Variants in ADK observed in about 807,000 individuals in gnomAD.
ADK encodes adenosine kinase, also known as N6,N6-dimethyladenosine kinase.
Under a neutral mutation model 44.7 loss-of-function variants are expected in ADK, and 24 were observed. That is an observed-to-expected ratio of 0.54 (90% CI 0.39 to 0.76). The LOEUF is 0.76. Ranked by LOEUF, ADK falls within the 30% of genes least tolerant of loss-of-function variation. The pLI, the probability that ADK is intolerant of heterozygous loss-of-function variation, is 0.00. For missense variants in ADK, 321 were observed against 425.1 expected (o/e 0.76, Z 2.15); for synonymous variants, 128 against 142.6 (o/e 0.90, Z 0.73).
chr10:74,576,185 A>G (rs1851177875), intron 7 of ADK, among the ~76,000 whole-genome samples: 1 of 152,174 alleles, frequency 6.6e-6, no homozygotes, highest in Non-Finnish European at 1.5e-5. Context: ...GAAAAGTGAG[A>G]GAATGGGAAT....
chr10:74,342,225 A>G (rs12415957), intron 4 of ADK, among the ~76,000 whole-genome samples: 72,499 of 151,998 alleles, frequency 0.48, 20,002 homozygotes, highest in Non-Finnish European at 0.62. Context: ...CTCTACATCC[A>G]TAATGGGTAA....
At position 74,176,653 on chromosome 10, in the gene ADK, C is replaced by T. The variant is rs560598168; in HGVS notation, c.66-24111C>T. ...CGCGGTGGCCCACGGCGTCTGGGGACGATCTCCAGCCCTTCGCACGGGGCG... is the reference window on the plus strand; with the variant it reads ...CGCGGTGGCCCACGGCGTCTGGGGATGATCTCCAGCCCTTCGCACGGGGCG... On this transcript the variant is annotated intron_variant, in intron 1 of 10. Coordinates refer to ENST00000539909, the MANE Select transcript of ADK (RefSeq NM_006721.4). 10 of 1,411,756 alleles carry T rather than the reference C, an allele frequency of 7.1e-6. No individual in the cohort carries two copies. The East Asian group carries it at 2.1e-4, about 30-fold the overall frequency. 87.5% of individuals were successfully genotyped at this position (1,411,756 alleles called of 1,614,324 possible).
intron 9 of ADK, among the ~76,000 whole-genome samples, chr10:74,617,989 C>G (rs1190564776): frequency 6.6e-6 from 1 of 152,090 alleles, no homozygotes; most frequent in Non-Finnish European, 1.5e-5. Context: ...ATGAAATGTC[C>G]TTCTTAATCT....
chr10:74,155,486 TG>T (rs1841720167), intron 1 of ADK, among the ~76,000 whole-genome samples: 1 of 152,164 alleles, frequency 6.6e-6, no homozygotes, highest in African/African-American at 2.4e-5. Context: ...AGAGTGGCAC[TG>T]ATAACTTTCA....
At chr10:74,445,501 T>A (rs1471966336) in intron 6 of ADK, among the ~76,000 whole-genome samples, 1 of 152,010 alleles carries the variant, frequency 6.6e-6, no homozygotes, top group South Asian at 2.1e-4. Flanking sequence ...TATATTCCTT[T>A]ACTGTTATAT....
intron 4 of ADK, among the ~76,000 whole-genome samples, chr10:74,355,641 A>T (rs1842110732): frequency 6.6e-6 from 1 of 152,188 alleles, no homozygotes; most frequent in Non-Finnish European, 1.5e-5. Context: ...CATTTGGAAA[A>T]ATTTTAAAAG....
At chr10:74,460,505 T>G (rs972644380) in intron 6 of ADK, among the ~76,000 whole-genome samples, 1 of 152,234 alleles carries the variant, frequency 6.6e-6, no homozygotes, top group Non-Finnish European at 1.5e-5. Flanking sequence ...CAGGTGTATA[T>G]TAACTTCATT....
intron 4 of ADK, among the ~76,000 whole-genome samples, chr10:74,352,802 A>G (rs766358991): frequency 4.3e-4 from 66 of 152,224 alleles, no homozygotes; most frequent in Non-Finnish European, 9.1e-4. Flanking sequence ...GCAACCAACA[A>G]ACATGAAAAA....
chr10:74,220,963 A>C (rs959548208), intron 2 of ADK, among the ~76,000 whole-genome samples: 1 of 151,120 alleles, frequency 6.6e-6, no homozygotes, highest in Non-Finnish European at 1.5e-5. Flanking sequence ...CTGGCACAAG[A>C]CAGGGATGCC....
intron 1 of ADK, among the ~76,000 whole-genome samples, chr10:74,160,699 G>T (rs1479310216): frequency 6.7e-6 from 1 of 148,958 alleles, no homozygotes; most frequent in African/African-American, 2.5e-5. Flanking sequence ...GGGTGTGTGT[G>T]TGTGTGTGTG....
At position 74,673,602 on chromosome 10, in the gene ADK, C is replaced by T. The variant is rs190256507; in HGVS notation, c.964+3333C>T. 4.6e-5 allele frequency among the ~76,000 whole-genome samples: 7 copies of T among 152,250 alleles called. No homozygotes were observed. In the East Asian group the frequency reaches 7.7e-4, roughly 17 times the overall value. On this transcript the variant is annotated intron_variant, in intron 10 of 10. Coordinates refer to ENST00000539909, the MANE Select transcript of ADK (RefSeq NM_006721.4). ...GTGACCCCTGGATCCCCAGAGGAAG[C>T]GTTACAGTGCCCTTTTAGCTTTGCT...
intron 7 of ADK, among the ~76,000 whole-genome samples, chr10:74,550,900 A>G (rs73274185): frequency 0.042 from 6,431 of 152,212 alleles, 411 homozygotes; most frequent in African/African-American, 0.13. Flanking sequence ...TGCAGGTTTC[A>G]CCATGTTGTC....
At chr10:74,567,672 T>C (rs1240818630) in intron 7 of ADK, among the ~76,000 whole-genome samples, 2 of 151,066 alleles carry the variant, frequency 1.3e-5, no homozygotes, top group African/African-American at 4.9e-5. Flanking sequence ...TTTTGTTCTC[T>C]CTCTCTCTGT....
Position 74,249,496 on chromosome 10 carries a change from TACACAC to T in ADK, c.194+24931_194+24936del, listed in dbSNP as rs72380023. On this transcript the variant is annotated intron_variant, in intron 3 of 10. Transcript: ENST00000539909. Reference sequence around the variant, plus strand: ...TTTATTGTATATGCATGTACATGCATACACACACACACACACACACACACACACACA... The same window carrying T: ...TTTATTGTATATGCATGTACATGCATACACACACACACACACACACACACA... Among the ~76,000 whole-genome samples, 947 of 149,118 alleles carry T rather than the reference TACACAC, an allele frequency of 6.4e-3. 14 individuals are homozygous for T. Among genetic ancestry groups the T allele is most frequent in the African/African-American group, 0.02 (809 of 40,688 alleles).
At chr10:74,632,991 G>T (rs979014114) in intron 9 of ADK, among the ~76,000 whole-genome samples, 2 of 151,928 alleles carry the variant, frequency 1.3e-5, no homozygotes, top group African/African-American at 4.8e-5. Flanking sequence ...CAGAGCTCTA[G>T]CTCATTCTAA....
intron 3 of ADK, among the ~76,000 whole-genome samples, chr10:74,237,757 C>T (rs553857444): frequency 6.6e-6 from 1 of 152,268 alleles, no homozygotes; most frequent in Non-Finnish European, 1.5e-5. Flanking sequence ...CCTTATACAT[C>T]TCCATCAGAG....
chr10:74,162,583 C>T (rs1453029449), intron 1 of ADK, among the ~76,000 whole-genome samples: 1 of 150,654 alleles, frequency 6.6e-6, no homozygotes, highest in East Asian at 2.0e-4. Context: ...CTCACTGTGT[C>T]GCCCAGGCTA....
intron 4 of ADK, among the ~76,000 whole-genome samples, chr10:74,336,536 A>T (rs996028880): frequency 3.3e-5 from 5 of 152,146 alleles, no homozygotes; most frequent in Admixed American, 6.5e-5. Flanking sequence ...TGTTAATTTT[A>T]ATGTAATGGA....
chr10:74,361,529 C>T (rs760395721), intron 4 of ADK, among the ~76,000 whole-genome samples: 24 of 152,128 alleles, frequency 1.6e-4, no homozygotes, highest in Non-Finnish European at 2.9e-4. Context: ...TTCCTTCTCC[C>T]CCTTCATTTT....
Sources: gnomAD v4.1 joint callset for allele counts (sites outside exome capture counted in the v4.1 genomes callset) on GRCh38, gnomAD v4.1.1 for gene constraint, MANE v1.5 for transcripts, NCBI Gene and HGNC (gene_info 2026-07-23, HGNC 2026-07-21) for gene names.